PROKR1: variants seen among roughly 807,000 people sequenced by gnomAD.
PROKR1 encodes the protein G protein-coupled receptor 73.
A neutral mutation model predicts 22.8 loss-of-function variants in PROKR1; 21 were observed. The observed-to-expected ratio is 0.92, with a 90% CI of 0.65 to 1.32. The LOEUF is 1.32. PROKR1 is among the 40% of genes most tolerant of loss of function. PROKR1 has a pLI of 0.00. For synonymous variants in PROKR1, 193 were observed against 207.5 expected (o/e 0.93, Z 0.60); for missense variants, 548 against 514.2 (o/e 1.07, Z -0.64).
intron 2 of PROKR1, among the ~76,000 whole-genome samples, chr2:68,649,310 G>C (rs551686677): frequency 6.6e-6 from 1 of 152,204 alleles, no homozygotes; most frequent in South Asian, 2.1e-4. Flanking sequence ...TCAACCTCCA[G>C]GTCTTGGCAA....
Position 68,655,566 on chromosome 2 carries a change from G to C in PROKR1, c.1172G>C (p.Arg391Thr). The change falls in exon 3 of 3, where the codon AGA becomes ACA. Residue 391 changes from arginine (R) to threonine (T), a missense_variant. Coordinates refer to ENST00000303786, the MANE Select transcript of PROKR1 (RefSeq NM_138964.4). ...GCCACCGAAGAGGTGGACTGCATCAGACTAAAATAACCCCCTGGACTTTGC... is the reference window on the plus strand; with the variant it reads ...GCCACCGAAGAGGTGGACTGCATCACACTAAAATAACCCCCTGGACTTTGC... The part of the protein sequence containing the change: ...MPATEEVDCI[R>T]LK The C allele has an allele frequency of 6.2e-7, 1 of 1,613,930 alleles. No homozygotes were observed. The highest frequency in any genetic ancestry group is 8.5e-7 in the Non-Finnish European group (1 of 1,180,002).
rs1294993400 is a variant in PROKR1, at chr2:68,656,910, A to T, written c.*1334A>T. 6.6e-6 allele frequency: 1 copy of T among 152,218 alleles called. No homozygotes were observed. Among genetic ancestry groups the T allele is most frequent in the Non-Finnish European group, 1.5e-5 (1 of 68,062 alleles). 9.4% of individuals were successfully genotyped at this position (152,218 alleles called of 1,614,324 possible). A position where few individuals can be genotyped will look rare whatever the true frequency, so the allele number is the denominator to read the frequency against. ...GCATCTTCCAGAAGTCTGGGCACCCAGGAAAGAAGGGGACACACAGATAGG... is the reference window on the plus strand; with the variant it reads ...GCATCTTCCAGAAGTCTGGGCACCCTGGAAAGAAGGGGACACACAGATAGG... On this transcript the variant is annotated 3_prime_UTR_variant, in exon 3 of 3. Transcript: ENST00000303786.
rs1321482279 is a variant in PROKR1, at chr2:68,656,947, C to G, written c.*1371C>G. On this transcript the variant is annotated 3_prime_UTR_variant, in exon 3 of 3. Transcript: ENST00000303786. ...GACACACAGATAGGTAGTGTCAGACCAAACAATGAGCTTCAGTGACCCCAT... is the reference window on the plus strand; with the variant it reads ...GACACACAGATAGGTAGTGTCAGACGAAACAATGAGCTTCAGTGACCCCAT... The G allele has an allele frequency of 6.6e-6, 1 of 152,190 alleles. No individual in the cohort carries two copies. The highest frequency in any genetic ancestry group is 2.4e-5 in the African/African-American group (1 of 41,432). The allele number at this position is 152,190 out of a possible 1,614,324, so 9.4% of individuals were successfully genotyped here. A position where few individuals can be genotyped will look rare whatever the true frequency, so the allele number is the denominator to read the frequency against.
chr2:68,653,943 G>T (rs895158701), intron 2 of PROKR1, among the ~76,000 whole-genome samples: 2 of 152,028 alleles, frequency 1.3e-5, no homozygotes, highest in African/African-American at 4.8e-5. Context: ...CATCAATCCT[G>T]TGAGGTAGGG....
chr2:68,656,004 T>C lies in PROKR1; in HGVS notation c.*428T>C, dbSNP rs1456734811. The C allele has an allele frequency of 3.7e-6, 1 of 268,010 alleles. No homozygotes were observed. The highest frequency in any genetic ancestry group is 2.2e-5 in the African/African-American group (1 of 44,534). The allele number at this position is 268,010 out of a possible 1,614,324, so 16.6% of individuals were successfully genotyped here. ...TGCACTGGACTTCATGCCTAACATT[T>C]GCAAGGCTGGAGCAAGAATACGAAA... On this transcript the variant is annotated 3_prime_UTR_variant, in exon 3 of 3. Coordinates refer to ENST00000303786, the MANE Select transcript of PROKR1 (RefSeq NM_138964.4).
At position 68,646,222 on chromosome 2, in the gene PROKR1, A is replaced by C; in HGVS notation, c.401A>C (p.His134Pro). 3.1e-6 allele frequency: 5 copies of C among 1,613,676 alleles called. No individual in the cohort carries two copies. The highest frequency in any genetic ancestry group is 4.2e-6 in the Non-Finnish European group (5 of 1,179,674). ...CGCCAGCTCTCCTGGGAGCACGGCC[A>C]CGTCCTGTGCACCTCTGTCAACTAC... The part of the protein sequence containing the change: ...VVRQLSWEHG[H>P]VLCTSVNYLR... Residue 134 changes from histidine to proline, a missense_variant, in exon 2 of 3, where the codon CAC becomes CCC. His to Pro is a moderately conservative substitution (Grantham distance 77). Coordinates refer to ENST00000303786, the MANE Select transcript of PROKR1 (RefSeq NM_138964.4).
intron 1 of PROKR1, among the ~76,000 whole-genome samples, 154 bp downstream of exon 1, chr2:68,644,002 G>C (rs1482647308): frequency 6.6e-6 from 1 of 152,158 alleles, no homozygotes; most frequent in East Asian, 1.9e-4. Flanking sequence ...CCCCTCCTCT[G>C]TCCTTAGGGG....
chr2:68,655,471 C>T lies in PROKR1; in HGVS notation c.1077C>T (p.Leu359=). 1 of 1,614,158 alleles carries T rather than the reference C, an allele frequency of 6.2e-7. No individual in the cohort carries two copies. The highest frequency in any genetic ancestry group is 8.5e-7 in the Non-Finnish European group (1 of 1,180,004). The change falls in exon 3 of 3, where the codon CTC becomes CTT. Residue 359 remains leucine (L), a synonymous_variant. Coordinates refer to ENST00000303786, the MANE Select transcript of PROKR1 (RefSeq NM_138964.4). ...TVKYFKKIML[L]HWKASYNGGK... Reference sequence around the variant, plus strand: ...AGTACTTCAAAAAGATCATGTTGCTCCACTGGAAGGCTTCTTACAATGGCG... The same window carrying T: ...AGTACTTCAAAAAGATCATGTTGCTTCACTGGAAGGCTTCTTACAATGGCG...
rs150663894 is a variant in PROKR1, at chr2:68,649,976, A to G, written c.485+3670A>G. On this transcript the variant is annotated intron_variant, in intron 2 of 2. Transcript: ENST00000303786. ...CTCTCCTGCTTAAAAACAAAAAACC[A>G]AACACCGCATATTCTCACTCATAGG... Among the ~76,000 whole-genome samples the G allele has an allele frequency of 6.4e-3, 971 of 150,686 alleles. 8 individuals are homozygous for G. Among genetic ancestry groups the G allele is most frequent in the African/African-American group, 0.023 (931 of 40,976 alleles).
intron 2 of PROKR1, among the ~76,000 whole-genome samples, chr2:68,652,122 G>T (rs1019609286): frequency 6.6e-5 from 10 of 152,306 alleles, no homozygotes; most frequent in Middle Eastern, 3.4e-3. Flanking sequence ...CAAGATGTGG[G>T]TCTGAGTCAT....
At chr2:68,648,813 T>G (rs1386792594) in intron 2 of PROKR1, among the ~76,000 whole-genome samples, 2 of 152,350 alleles carry the variant, frequency 1.3e-5, no homozygotes, top group East Asian at 3.9e-4. Flanking sequence ...GCAGTTATTC[T>G]GCCTGGGTTT....
chr2:68,648,533 C>T (rs529581583), intron 2 of PROKR1, among the ~76,000 whole-genome samples: 2 of 152,260 alleles, frequency 1.3e-5, no homozygotes, highest in East Asian at 3.9e-4. Context: ...TGTGCCTTCA[C>T]AGGGCTGCCC....
intron 2 of PROKR1, among the ~76,000 whole-genome samples, chr2:68,651,429 G>A (rs1673327205): frequency 6.6e-6 from 1 of 152,176 alleles, no homozygotes; most frequent in African/African-American, 2.4e-5. Context: ...CACAGGTATG[G>A]GTTTCCTTTT....
In PROKR1 at chr2:68,646,159, T is replaced by C. The variant is rs1200126918; in HGVS notation, c.338T>C (p.Ile113Thr). 1.2e-6 allele frequency: 2 copies of C among 1,608,054 alleles called. No individual in the cohort carries two copies. Among genetic ancestry groups the C allele is most frequent in the Non-Finnish European group, 8.5e-7 (1 of 1,176,280 alleles). ...GCCATCTCTGACTTCCTGGTGGCCA[T>C]TGTCTGCTGCCCCTTTGAGATGGAC... ...NLAISDFLVAIVCCPFEMDYY... is the reference protein window; with the variant it reads ...NLAISDFLVATVCCPFEMDYY... Residue 113 changes from isoleucine (I) to threonine (T), a missense_variant, in exon 2 of 3, where the codon ATT becomes ACT. Physicochemically the swap from Ile to Thr is moderately conservative, Grantham distance 89. Transcript: ENST00000303786.
Position 68,646,080 on chromosome 2 carries a change from C to G in PROKR1, c.259C>G (p.Leu87Val). 1 of 1,614,124 alleles carries G rather than the reference C, an allele frequency of 6.2e-7. No individual in the cohort carries two copies. Among genetic ancestry groups the G allele is most frequent in the Non-Finnish European group, 8.5e-7 (1 of 1,179,942 alleles). ...GIGNFIFIAA[L>V]VRYKKLRNLT... ...TGGAAACTTCATCTTTATCGCTGCC[C>G]TGGTCCGCTACAAGAAACTGCGCAA... Residue 87 changes from leucine (L) to valine (V), a missense_variant, in exon 2 of 3, where the codon CTG becomes GTG. Physicochemically the swap from Leu to Val is conservative, Grantham distance 32. Coordinates refer to ENST00000303786, the MANE Select transcript of PROKR1 (RefSeq NM_138964.4).
chr2:68,652,334 T>C (rs755363526), intron 2 of PROKR1, among the ~76,000 whole-genome samples: 1 of 152,240 alleles, frequency 6.6e-6, no homozygotes, highest in Non-Finnish European at 1.5e-5. Flanking sequence ...ACATTACTAA[T>C]GCTAGAGTTC....
At position 68,655,570 on chromosome 2, in the gene PROKR1, AAAAT is replaced by A; in HGVS notation, c.1179_1182del (p.Lys393AsnfsTer18). The A allele has an allele frequency of 6.2e-7, 1 of 1,613,858 alleles. No homozygotes were observed. The highest frequency in any genetic ancestry group is 2.2e-5 in the East Asian group (1 of 44,888). On this transcript the variant is annotated frameshift_variant and stop_lost, in exon 3 of 3. Coordinates refer to ENST00000303786, the MANE Select transcript of PROKR1 (RefSeq NM_138964.4). LOFTEE classifies it high-confidence loss of function. ...CCGAAGAGGTGGACTGCATCAGACT[AAAAT>A]AACCCCCTGGACTTTGCAAAGTTTA...
chr2:68,648,538 C>T (rs1673238742), intron 2 of PROKR1, among the ~76,000 whole-genome samples: 2 of 152,136 alleles, frequency 1.3e-5, no homozygotes, highest in South Asian at 4.1e-4. Context: ...CTTCACAGGG[C>T]TGCCCAATGG....
At chr2:68,648,167 G>A (rs1673232121) in intron 2 of PROKR1, among the ~76,000 whole-genome samples, 1 of 152,172 alleles carries the variant, frequency 6.6e-6, no homozygotes, top group Non-Finnish European at 1.5e-5. Context: ...CTCCCCGGAT[G>A]AGATCCATTT....
Sources: gnomAD v4.1 joint callset for allele counts (sites outside exome capture counted in the v4.1 genomes callset) on GRCh38, gnomAD v4.1.1 for gene constraint, MANE v1.5 for transcripts, NCBI Gene and HGNC (gene_info 2026-07-23, HGNC 2026-07-21) for gene names.